MYH10: variants seen among roughly 807,000 people sequenced by gnomAD.
MYH10 encodes myosin heavy chain 10, also known as myosin-10.
MYH10 carries 55 observed loss-of-function variants against 257.8 expected under a neutral mutation model. The ratio of observed to expected loss-of-function variants is 0.21; its 90% CI spans 0.17 to 0.27. MYH10 has a LOEUF of 0.27. Ranked by LOEUF, MYH10 falls within the 10% of genes least tolerant of loss-of-function variation. MYH10 has a pLI of 1.00. For synonymous variants in MYH10, 854 were observed against 921.7 expected (o/e 0.93, Z 1.33); for missense variants, 1,631 against 2,500.6 (o/e 0.65, Z 7.42).
chr17:8,481,519 C>T (rs1331527500), intron 37 of MYH10, 109 bp from the exon 38 acceptor site: 2 of 886,888 alleles, frequency 2.3e-6, no homozygotes, highest in Non-Finnish European at 3.5e-6. Flanking sequence ...TGTTTACCTG[C>T]ACCTCAAGCT....
intron 30 of MYH10, among the ~76,000 whole-genome samples, chr17:8,497,980 C>CTTT (rs71159593): frequency 0.015 from 1,565 of 103,344 alleles, 103 homozygotes; most frequent in Middle Eastern, 0.027. Flanking sequence ...AATACTATGC[C>CTTT]TTTTTTTTTT....
intron 7 of MYH10, among the ~76,000 whole-genome samples, chr17:8,568,786 A>C (rs1006663541): frequency 2.0e-5 from 3 of 152,038 alleles, no homozygotes; most frequent in African/African-American, 4.8e-5. Context: ...GAAGGTGAGC[A>C]GCTGGGGTGG....
At chr17:8,593,057 A>G (rs2084232953) in intron 3 of MYH10, among the ~76,000 whole-genome samples, 2 of 148,518 alleles carry the variant, frequency 1.3e-5, no homozygotes, top group Non-Finnish European at 3.0e-5. Context: ...AATCTAATTC[A>G]TCACATCAAC....
chr17:8,477,387 G>A lies in MYH10; in HGVS notation c.5707-339C>T, dbSNP rs775662248. On this transcript the variant is annotated intron_variant, in intron 41 of 42. Transcript: ENST00000360416. The surrounding 1 kb of genome is among the most constrained non-coding windows in gnomAD (Gnocchi z 4.2). ...AAGGGAATTGCTATTCTTGCAAAAC[G>A]TGGAAGAACCAGCAATGTGGGACAA... Among the ~76,000 whole-genome samples the A allele has an allele frequency of 6.6e-6, 1 of 152,118 alleles. No homozygotes were observed. The highest frequency in any genetic ancestry group is 2.4e-5 in the African/African-American group (1 of 41,420).
chr17:8,498,421 T>G (rs1917001349), intron 30 of MYH10, among the ~76,000 whole-genome samples: 1 of 152,148 alleles, frequency 6.6e-6, no homozygotes, highest in South Asian at 2.1e-4. Context: ...CAATGAACAT[T>G]CTTGAAGTTG....
chr17:8,595,425 C>CTT (rs10664342), intron 3 of MYH10, among the ~76,000 whole-genome samples: 27,006 of 82,140 alleles, frequency 0.33, 7,249 homozygotes, highest in African/African-American at 0.52. Context: ...AAGAACAGTT[C>CTT]TTTTTTTTTT....
Position 8,546,082 on chromosome 17 carries a change from G to A in MYH10, c.1278+462C>T, listed in dbSNP as rs138484742. On this transcript the variant is annotated intron_variant, in intron 12 of 42. Coordinates refer to ENST00000360416, the MANE Select transcript of MYH10 (RefSeq NM_001256012.3). The stretch of plus-strand genomic sequence containing the variant: ...AAAAAATTTTTTTTTTTTTTGATAC[G>A]GAGTCTCGTTCTGTTGCCTGGGCTG... Among the ~76,000 whole-genome samples, 678 of 149,416 alleles carry A rather than the reference G, an allele frequency of 4.5e-3. 6 individuals carry two copies. Among genetic ancestry groups the A allele is most frequent in the African/African-American group, 0.016 (656 of 40,532 alleles).
At chr17:8,574,551 A>G (rs1317839800) in intron 6 of MYH10, among the ~76,000 whole-genome samples, 1 of 152,202 alleles carries the variant, frequency 6.6e-6, no homozygotes, top group Non-Finnish European at 1.5e-5. Flanking sequence ...AAATTGTTTC[A>G]AAAAAAGAAT....
chr17:8,529,489 T>C (rs2081954061), intron 17 of MYH10, among the ~76,000 whole-genome samples: 1 of 152,180 alleles, frequency 6.6e-6, no homozygotes, highest in Admixed American at 6.5e-5. Context: ...ACCTCCAAGC[T>C]TCCCCCGTCC....
At chr17:8,536,759 A>G (rs1397372873) in intron 14 of MYH10, among the ~76,000 whole-genome samples, 2 of 149,164 alleles carry the variant, frequency 1.3e-5, no homozygotes, top group African/African-American at 2.5e-5. Context: ...AGATGGTGCC[A>G]TTGCACTCCA....
intron 7 of MYH10, among the ~76,000 whole-genome samples, chr17:8,568,755 A>G (rs1183227079): frequency 1.3e-5 from 2 of 151,994 alleles, no homozygotes; most frequent in African/African-American, 4.8e-5. Context: ...GGGTTTAGAG[A>G]TGATTTGCTG....
chr17:8,549,234 T>G (rs574838858), intron 9 of MYH10, among the ~76,000 whole-genome samples: 2 of 152,338 alleles, frequency 1.3e-5, no homozygotes, highest in East Asian at 3.9e-4. Context: ...AAAACTACCA[T>G]GGACATAAGC....
intron 3 of MYH10, among the ~76,000 whole-genome samples, chr17:8,602,177 A>G (rs780989337): frequency 1.3e-5 from 2 of 152,188 alleles, no homozygotes; most frequent in South Asian, 4.2e-4. Context: ...ACGGGGTTTC[A>G]CCGTGTTAGC....
intron 40 of MYH10, among the ~76,000 whole-genome samples, chr17:8,478,920 C>T (rs373501415): frequency 3.3e-5 from 5 of 152,260 alleles, no homozygotes; most frequent in South Asian, 2.1e-4. Flanking sequence ...TTAGCAGAGA[C>T]GGGGTTTTAC....
At chr17:8,487,836 T>C (rs1182229516) in intron 35 of MYH10, among the ~76,000 whole-genome samples, 1 of 152,154 alleles carries the variant, frequency 6.6e-6, no homozygotes, top group East Asian at 1.9e-4. Context: ...TACGAGGGCA[T>C]GCGAGAAGGC....
chr17:8,573,538 G>C (rs913957656), intron 6 of MYH10, among the ~76,000 whole-genome samples: 4 of 152,150 alleles, frequency 2.6e-5, no homozygotes, highest in African/African-American at 9.7e-5. Context: ...GAACTTAATC[G>C]ATTATTTTCA....
chr17:8,585,178 T>A (rs962363482), intron 4 of MYH10, among the ~76,000 whole-genome samples: 1 of 126,500 alleles, frequency 7.9e-6, no homozygotes. Context: ...TATATATATG[T>A]GTGTGTGTGT....
At position 8,509,850 on chromosome 17, in the gene MYH10, T is replaced by C. The variant is rs1328967664; in HGVS notation, c.3052A>G (p.Ile1018Val). 6.2e-7 allele frequency: 1 copy of C among 1,610,288 alleles called. No individual in the cohort carries two copies. Among genetic ancestry groups the C allele is most frequent in the South Asian group, 1.1e-5 (1 of 90,530 alleles). Residue 1018 changes from isoleucine (I) to valine (V), a missense_variant, in exon 25 of 43, where the codon ATT becomes GTT. Transcript: ENST00000360416. ...GAATTTTGGTCCTCGAGAAGCAGAA[T>C]CTCCTCTTCCATCTTCTTGATCTTG... ...EAKIKKMEEE[I>V]LLLEDQNSKF...
chr17:8,480,796 G>C (rs1325166365), intron 38 of MYH10, among the ~76,000 whole-genome samples: 1 of 152,024 alleles, frequency 6.6e-6, no homozygotes, highest in African/African-American at 2.4e-5. Context: ...CCTCTCTCCA[G>C]CTGTTCTCCA....
Sources: gnomAD v4.1 joint callset for allele counts (sites outside exome capture counted in the v4.1 genomes callset) on GRCh38, gnomAD v4.1.1 for gene constraint, Gnocchi (gnomAD v3.1) non-coding constraint, MANE v1.5 for transcripts, NCBI Gene and HGNC (gene_info 2026-07-23, HGNC 2026-07-21) for gene names.